GALNTL6: variants seen among roughly 807,000 people sequenced by gnomAD.
GALNTL6 encodes polypeptide N-acetylgalactosaminyltransferase-like 6.
In GALNTL6, 46 loss-of-function variants were observed where a neutral mutation model predicts 73.7. The ratio of observed to expected loss-of-function variants is 0.62; its 90% CI spans 0.49 to 0.80. The LOEUF (loss-of-function observed/expected upper bound fraction) is 0.80. Among genes scored for constraint, GALNTL6 ranks in the 30% least tolerant of loss-of-function variants. The pLI, the probability that GALNTL6 is intolerant of heterozygous loss-of-function variation, is 0.00. For missense variants in GALNTL6, 604 were observed against 755.0 expected, an observed-to-expected ratio of 0.80 and a Z score of 2.34; for synonymous variants, 259 against 263.7, an observed-to-expected ratio of 0.98 and a Z score of 0.17.
At chr4:171,877,894 A>G (rs2110906144) in intron 2 of GALNTL6, among the ~76,000 whole-genome samples, 1 of 152,372 alleles carries the variant, frequency 6.6e-6, no homozygotes, top group South Asian at 2.1e-4. Context: ...AGACATTGTA[A>G]GACAAGATAA....
chr4:172,128,600 T>C (rs761460253), intron 2 of GALNTL6, among the ~76,000 whole-genome samples: 4 of 152,216 alleles, frequency 2.6e-5, no homozygotes, highest in Non-Finnish European at 5.9e-5. Context: ...AGTAATTTGG[T>C]TTAAAACAAT....
At chr4:172,867,300 A>G (rs1306622928) in intron 7 of GALNTL6, among the ~76,000 whole-genome samples, 1 of 152,182 alleles carries the variant, frequency 6.6e-6, no homozygotes, top group African/African-American at 2.4e-5. Context: ...TAAAGTGACA[A>G]GTCTACTATG....
intron 3 of GALNTL6, among the ~76,000 whole-genome samples, chr4:172,230,293 T>G (rs1431311037): frequency 6.6e-6 from 1 of 152,084 alleles, no homozygotes; most frequent in Non-Finnish European, 1.5e-5. Flanking sequence ...GTTCTAGACT[T>G]GGTGCTAGAG....
intron 2 of GALNTL6, among the ~76,000 whole-genome samples, chr4:171,994,050 T>C (rs2110743353): frequency 6.6e-6 from 1 of 152,240 alleles, no homozygotes; most frequent in Non-Finnish European, 1.5e-5. Context: ...TATATTGTTA[T>C]GTCATTGAAC....
chr4:172,994,132 G>A (rs868492957), intron 10 of GALNTL6, among the ~76,000 whole-genome samples: 1 of 152,140 alleles, frequency 6.6e-6, no homozygotes, highest in African/African-American at 2.4e-5. Flanking sequence ...GCTGACTGGA[G>A]CATTCACATA....
intron 5 of GALNTL6, among the ~76,000 whole-genome samples, chr4:172,717,959 TTCAG>T (rs1469276216): frequency 8.5e-5 from 13 of 152,362 alleles, no homozygotes; most frequent in African/African-American, 2.6e-4. Flanking sequence ...GATTTACCAG[TTCAG>T]TCACTCAGTT....
chr4:172,118,872 G>A (rs745948354), intron 2 of GALNTL6, among the ~76,000 whole-genome samples: 23 of 151,558 alleles, frequency 1.5e-4, no homozygotes, highest in Non-Finnish European at 2.5e-4. Flanking sequence ...CCTGAAATGA[G>A]AAATAGACAA....
intron 2 of GALNTL6, among the ~76,000 whole-genome samples, chr4:172,209,421 A>G (rs1251321797): frequency 1.4e-5 from 2 of 142,682 alleles, no homozygotes; most frequent in Non-Finnish European, 3.1e-5. Context: ...TTTCTAAGAA[A>G]GGAGGACCCA....
At chr4:172,225,649 G>A (rs968774888) in intron 2 of GALNTL6, among the ~76,000 whole-genome samples, 1 of 152,080 alleles carries the variant, frequency 6.6e-6, no homozygotes, top group Non-Finnish European at 1.5e-5. Context: ...CAGCTTACTT[G>A]GATGGCTGAG....
At chr4:172,823,210 A>G (rs1460778780) in intron 7 of GALNTL6, among the ~76,000 whole-genome samples, 1 of 152,212 alleles carries the variant, frequency 6.6e-6, no homozygotes, top group Non-Finnish European at 1.5e-5. Flanking sequence ...CTCCCTGCAG[A>G]CAGGGATATA....
At chr4:172,295,353 T>C (rs1216766433) in intron 3 of GALNTL6, among the ~76,000 whole-genome samples, 2 of 150,392 alleles carry the variant, frequency 1.3e-5, no homozygotes, top group Non-Finnish European at 1.5e-5. Flanking sequence ...ACCCAGGAGG[T>C]GGAGGTTGCA....
Position 172,420,095 on chromosome 4 carries a change from T to C in GALNTL6, c.553+71406T>C, listed in dbSNP as rs149618101. ...AAGTCTACTTGTCTACAGTAATCTG[T>C]TCAAAAGTGAGCCATCCATTTTACT... is the stretch of plus-strand genomic sequence containing the variant. On this transcript the variant is annotated intron_variant, in intron 5 of 12. Coordinates refer to ENST00000506823, the MANE Select transcript of GALNTL6 (RefSeq NM_001034845.3). Among the ~76,000 whole-genome samples, 15 of 152,360 alleles carry C rather than the reference T, an allele frequency of 9.8e-5. No individual in the cohort carries two copies. The East Asian group carries it at 2.9e-3, about 29-fold the overall frequency.
chr4:172,290,685 AGT>A (rs1479272078), intron 3 of GALNTL6, among the ~76,000 whole-genome samples: 1 of 152,002 alleles, frequency 6.6e-6, no homozygotes, highest in Non-Finnish European at 1.5e-5. Context: ...TGTCTAATAG[AGT>A]GTAGCATTTG....
intron 5 of GALNTL6, among the ~76,000 whole-genome samples, chr4:172,412,041 T>G (rs546894042): frequency 2.6e-5 from 4 of 151,942 alleles, no homozygotes; most frequent in Middle Eastern, 3.4e-3. Flanking sequence ...TATTTATTTA[T>G]TTTTAGTTTT....
intron 7 of GALNTL6, among the ~76,000 whole-genome samples, chr4:172,868,415 C>T (rs184825171): frequency 1.3e-5 from 2 of 152,216 alleles, no homozygotes; most frequent in African/African-American, 4.8e-5. Flanking sequence ...GATATGAATA[C>T]ACGATATAAA....
intron 8 of GALNTL6, among the ~76,000 whole-genome samples, chr4:172,885,039 T>A (rs1458230430): frequency 1.3e-5 from 2 of 152,188 alleles, no homozygotes; most frequent in East Asian, 3.8e-4. Flanking sequence ...TGTGGTATAA[T>A]TTGAAATCAA....
chr4:172,961,686 G>C (rs766885765), intron 10 of GALNTL6, among the ~76,000 whole-genome samples: 2 of 152,172 alleles, frequency 1.3e-5, no homozygotes, highest in Non-Finnish European at 2.9e-5. Flanking sequence ...TGCCAAGATT[G>C]AAAGGAGAAA....
intron 3 of GALNTL6, among the ~76,000 whole-genome samples, chr4:172,253,183 G>A (rs536561327): frequency 3.3e-5 from 5 of 151,726 alleles, no homozygotes; most frequent in Admixed American, 6.6e-5. Context: ...ATTAAAAATG[G>A]CAGTAAACAA....
chr4:172,997,413 T>C (rs577686586), intron 10 of GALNTL6, among the ~76,000 whole-genome samples: 1 of 152,142 alleles, frequency 6.6e-6, no homozygotes, highest in African/African-American at 2.4e-5. Context: ...ATGGCGAGAG[T>C]GCAGATGAGG....
Sources: allele counts gnomAD v4.1 joint callset (sites outside exome capture counted in the v4.1 genomes callset), GRCh38; gene constraint gnomAD v4.1.1; transcripts MANE v1.5; gene names NCBI Gene and HGNC (gene_info 2026-07-23, HGNC 2026-07-21).